NDRG1: variants seen among roughly 807,000 people sequenced by gnomAD.
NDRG1 encodes the protein protein NDRG1.
In NDRG1, 32 loss-of-function variants were observed where a neutral mutation model predicts 56.9. The observed-to-expected ratio is 0.56, with a 90% CI of 0.42 to 0.76. The LOEUF (loss-of-function observed/expected upper bound fraction) is 0.76, where lower values mean the gene tolerates loss of function less well. NDRG1 is among the 30% of genes least tolerant of loss of function. The probability of loss-of-function intolerance (pLI) is 0.00; values close to 1 mark genes in which losing one functional copy is unlikely to be tolerated. For synonymous variants in NDRG1, 211 were observed against 204.1 expected (o/e 1.03, Z -0.29); for missense variants, 507 against 545.7 (o/e 0.93, Z 0.71).
chr8:133,251,151 G>T (rs963413065), intron 9 of NDRG1, among the ~76,000 whole-genome samples: 1 of 152,192 alleles, frequency 6.6e-6, no homozygotes, highest in Non-Finnish European at 1.5e-5. Flanking sequence ...GCCAACCAGA[G>T]CCTTGGGGAA....
intron 3 of NDRG1, among the ~76,000 whole-genome samples, chr8:133,279,895 C>T (rs959110591): frequency 2.0e-5 from 3 of 152,210 alleles, no homozygotes; most frequent in Non-Finnish European, 4.4e-5. Context: ...CAAGCTTTTG[C>T]TTCCGTTCCC....
chr8:133,239,132 G>A lies in NDRG1; in HGVS notation c.944-13C>T, dbSNP rs753312340. ...CTAGCCGAGGGCACTAGGGGAACAA[G>A]AGACAGCCGGTTAGAGGGCAGGAGA... On this transcript the variant is annotated splice_polypyrimidine_tract_variant and intron_variant, in intron 15 of 15. Transcript: ENST00000323851. The A allele has an allele frequency of 3.3e-4, 512 of 1,552,112 alleles. No homozygotes were observed. The highest frequency in any genetic ancestry group is 4.0e-4 in the Non-Finnish European group (459 of 1,147,546).
chr8:133,246,920 C>CT (rs1855717113), intron 12 of NDRG1, among the ~76,000 whole-genome samples: 1 of 152,162 alleles, frequency 6.6e-6, no homozygotes, highest in Non-Finnish European at 1.5e-5. Context: ...GAGCTAATAT[C>CT]TTTTTTCAAA....
intron 3 of NDRG1, among the ~76,000 whole-genome samples, chr8:133,278,380 G>A (rs1345462322): frequency 6.6e-6 from 1 of 152,070 alleles, no homozygotes; most frequent in Non-Finnish European, 1.5e-5. Flanking sequence ...CTGTCCCTCA[G>A]GTTCCCCAGC....
chr8:133,253,064 C>T (rs1856161717), intron 9 of NDRG1, among the ~76,000 whole-genome samples: 1 of 152,246 alleles, frequency 6.6e-6, no homozygotes, highest in African/African-American at 2.4e-5. Context: ...GTAAGCAAAG[C>T]AGGTCACTGC....
Position 133,258,446 on chromosome 8 carries a change from T to C in NDRG1, c.390-20A>G, listed in dbSNP as rs1313702997. The stretch of plus-strand genomic sequence containing the variant: ...TTCAGCCTGGAAGCAAAAATACAAA[T>C]GCATGTCACACAAGGACAGAGTGAC... On this transcript the variant is annotated intron_variant, in intron 6 of 15. Transcript: ENST00000323851. 2 of 1,603,242 alleles carry C rather than the reference T, an allele frequency of 1.2e-6. No homozygotes were observed. Among genetic ancestry groups the C allele is most frequent in the African/African-American group, 1.3e-5 (1 of 74,816 alleles).
At position 133,264,553 on chromosome 8, in the gene NDRG1, T is replaced by C. The variant is rs2233319; in HGVS notation, c.199A>G (p.Met67Val). 1.6e-3 allele frequency: 2,632 copies of C among 1,614,166 alleles called. 26 individuals are homozygous for C. In the African/African-American group the frequency reaches 0.025, roughly 16 times the overall value. ...AGAGCTCCTCAGAACTTACGGTTCA[T>C]GCCGATGTCATGGTAGGTGAGGATG... The part of the protein sequence containing the change: ...PVILTYHDIG[M>V]NHKTCYNPLF... Residue 67 changes from methionine (M) to valine (V), a missense_variant, in exon 4 of 16, where the codon ATG (methionine) becomes GTG (valine). Physicochemically the swap from Met to Val is conservative, Grantham distance 21. Coordinates refer to ENST00000323851, the MANE Select transcript of NDRG1 (RefSeq NM_006096.4).
chr8:133,294,673 G>GT (rs1554596648), intron 1 of NDRG1, among the ~76,000 whole-genome samples: 20 of 108,026 alleles, frequency 1.9e-4, no homozygotes, highest in African/African-American at 2.6e-4. Context: ...TTCTGTCATG[G>GT]GGGGGGGGCA....
At chr8:133,246,489 T>C (rs1419320830) in intron 13 of NDRG1, 127 bp downstream of exon 13, 3 of 1,029,008 alleles carry the variant, frequency 2.9e-6, no homozygotes, top group Non-Finnish European at 4.6e-6. Flanking sequence ...AACAGATAGA[T>C]TAAATCATTA....
intron 14 of NDRG1, among the ~76,000 whole-genome samples, chr8:133,243,274 G>C (rs908226401): frequency 5.3e-5 from 8 of 152,212 alleles, no homozygotes; most frequent in Admixed American, 5.2e-4. Flanking sequence ...AAGCAGGTCA[G>C]GGCTGCAGGG....
intron 1 of NDRG1, among the ~76,000 whole-genome samples, chr8:133,286,121 G>A (rs1022923829): frequency 2.0e-5 from 3 of 152,200 alleles, no homozygotes; most frequent in African/African-American, 7.2e-5. Flanking sequence ...TCATCAAGCA[G>A]GTAGCTTGTT....
At chr8:133,273,902 C>A (rs192666098) in intron 3 of NDRG1, among the ~76,000 whole-genome samples, 13 of 152,284 alleles carry the variant, frequency 8.5e-5, no homozygotes, top group Middle Eastern at 3.4e-3. Context: ...ATACTCCCCC[C>A]CTCCCTACTC....
intron 9 of NDRG1, among the ~76,000 whole-genome samples, chr8:133,251,540 G>T (rs1442671753): frequency 1.3e-5 from 2 of 152,248 alleles, no homozygotes; most frequent in African/African-American, 4.8e-5. Flanking sequence ...AATCAGATCA[G>T]ATGCTCAACG....
intron 1 of NDRG1, among the ~76,000 whole-genome samples, chr8:133,293,589 T>C (rs1417877628): frequency 6.6e-6 from 1 of 152,230 alleles, no homozygotes; most frequent in East Asian, 1.9e-4. Flanking sequence ...AGCTATTTAC[T>C]GAGCACTCAC....
Position 133,238,835 on chromosome 8 carries a change from A to T in NDRG1, c.*43T>A. ...AAAAGGGGCCGGGGAGGAGGGGGCCACTACAGAGATCAGAGTCCGGGGGCG... is the reference window on the plus strand; with the variant it reads ...AAAAGGGGCCGGGGAGGAGGGGGCCTCTACAGAGATCAGAGTCCGGGGGCG... On this transcript the variant is annotated 3_prime_UTR_variant, in exon 16 of 16. Coordinates refer to ENST00000323851, the MANE Select transcript of NDRG1 (RefSeq NM_006096.4). 1 of 1,537,170 alleles carries T rather than the reference A, an allele frequency of 6.5e-7. No individual in the cohort carries two copies. The highest frequency in any genetic ancestry group is 8.7e-7 in the Non-Finnish European group (1 of 1,145,310).
At chr8:133,256,967 G>A (rs987809623) in intron 7 of NDRG1, 104 bp from the exon 8 acceptor site, 1 of 1,120,554 alleles carries the variant, frequency 8.9e-7, no homozygotes, top group Non-Finnish European at 1.3e-6. Flanking sequence ...GAAAAAGGCA[G>A]TGTGGGCAGC....
rs1856012904 is a variant in NDRG1 at position 133,251,155 on chromosome 8, TG to T, written c.595-613del. ...CTCCCACCACGGCCAACCAGAGCCT[TG>T]GGGAAGTCGGCCTCAGCCTCCCCGT... On this transcript the variant is annotated intron_variant, in intron 9 of 15. Transcript: ENST00000323851. Among the ~76,000 whole-genome samples the T allele has an allele frequency of 2.0e-5, 3 of 152,308 alleles. No individual in the cohort carries two copies. The South Asian group carries it at 6.2e-4, about 32-fold the overall frequency.
chr8:133,240,195 C>T (rs1855303004), intron 15 of NDRG1: 1 of 152,216 alleles, frequency 6.6e-6, no homozygotes, highest in African/African-American at 2.4e-5. Context: ...TTTTCAGCCA[C>T]CCAGTTTGTG....
intron 8 of NDRG1, chr8:133,256,178 T>C (rs1282496161): frequency 1.3e-5 from 2 of 155,196 alleles, no homozygotes; most frequent in African/African-American, 2.4e-5. Flanking sequence ...ACCGAGTCCT[T>C]ACCTCTGAAA....
Sources: gnomAD v4.1 joint callset for allele counts (sites outside exome capture counted in the v4.1 genomes callset) on GRCh38, gnomAD v4.1.1 for gene constraint, MANE v1.5 for transcripts, NCBI Gene and HGNC (gene_info 2026-07-23, HGNC 2026-07-21) for gene names.